Variants in DST observed in about 807,000 individuals in gnomAD.
The protein encoded by DST is dystonin.
A neutral mutation model predicts 875.2 loss-of-function variants in DST; 253 were observed. The observed-to-expected ratio is 0.29, with a 90% CI of 0.26 to 0.32. The LOEUF is 0.32. Ranked by LOEUF, DST falls within the 10% of genes least tolerant of loss-of-function variation. DST has a pLI of 1.00. For synonymous variants in DST, 3,124 were observed against 3,197.1 expected, an observed-to-expected ratio of 0.98 and a Z score of 0.77; for missense variants, 8,287 against 9,111.6, an observed-to-expected ratio of 0.91 and a Z score of 3.68.
chr6:56,715,305 T>C (rs960610788), intron 5 of DST, among the ~76,000 whole-genome samples: 2 of 152,090 alleles, frequency 1.3e-5, no homozygotes, highest in African/African-American at 4.8e-5. Flanking sequence ...ACAGTTGGAG[T>C]TAAGTAAATT....
At chr6:56,842,773 A>T (rs1018945969) in intron 4 of DST, among the ~76,000 whole-genome samples, 7 of 152,136 alleles carry the variant, frequency 4.6e-5, no homozygotes, top group Non-Finnish European at 1.0e-4. Context: ...AGTGCTTAAG[A>T]GCTTTTACAA....
chr6:56,533,856 T>TA (rs2096942769), intron 63 of DST, among the ~76,000 whole-genome samples: 2 of 152,148 alleles, frequency 1.3e-5, no homozygotes, highest in African/African-American at 4.8e-5. Context: ...GAGATAGTAT[T>TA]AAATGTAGAA....
chr6:56,571,584 T>C (rs2097782588), intron 53 of DST, among the ~76,000 whole-genome samples: 1 of 152,208 alleles, frequency 6.6e-6, no homozygotes, highest in Admixed American at 6.5e-5. Context: ...TGTACAGCTT[T>C]TTAGCTCAAC....
intron 2 of DST, among the ~76,000 whole-genome samples, chr6:56,935,780 C>G (rs1184634453): frequency 1.3e-5 from 2 of 152,064 alleles, no homozygotes; most frequent in Non-Finnish European, 2.9e-5. Context: ...CAAAAATTAG[C>G]TGGGCATGGT....
chr6:56,515,756 A>T (rs1379971887), intron 71 of DST, 88 bp from the exon 72 acceptor site: 3 of 982,518 alleles, frequency 3.1e-6, no homozygotes. Context: ...GTACACCTGG[A>T]CAGAGTGGGC....
At chr6:56,725,136 A>G (rs1362946969) in intron 5 of DST, among the ~76,000 whole-genome samples, 1 of 152,216 alleles carries the variant, frequency 6.6e-6, no homozygotes, top group Non-Finnish European at 1.5e-5. Context: ...AGTTGAGGAG[A>G]GACGTGAGTC....
chr6:56,697,984 C>T (rs2099273162), intron 9 of DST, among the ~76,000 whole-genome samples: 1 of 152,198 alleles, frequency 6.6e-6, no homozygotes, highest in Admixed American at 6.5e-5. Flanking sequence ...GGTTCAATAT[C>T]TTTGATTCCA....
chr6:56,573,937 T>A, intron 50 of DST, 50 bp from the exon 51 acceptor site: 1 of 1,376,228 alleles, frequency 7.3e-7, no homozygotes, highest in Non-Finnish European at 1.0e-6. Context: ...CTTTGCCCTA[T>A]CCCTTTTCAA....
chr6:56,901,432 C>T (rs909240853), intron 2 of DST, among the ~76,000 whole-genome samples: 3 of 152,242 alleles, frequency 2.0e-5, no homozygotes, highest in South Asian at 4.2e-4. Flanking sequence ...CCTGTCTCTA[C>T]TAAAAATCAA....
intron 63 of DST, among the ~76,000 whole-genome samples, chr6:56,533,443 A>G (rs529790866): frequency 6.6e-6 from 1 of 152,334 alleles, no homozygotes; most frequent in East Asian, 1.9e-4. Context: ...AAAAGCTAAA[A>G]GAGTATTTTG....
At chr6:56,778,971 A>G (rs2099685907) in intron 4 of DST, among the ~76,000 whole-genome samples, 1 of 152,176 alleles carries the variant, frequency 6.6e-6, no homozygotes, top group East Asian at 1.9e-4. Context: ...TGACTTCCAC[A>G]ATGGTTGAAT....
At chr6:56,888,777 A>T (rs1785870954) in intron 3 of DST, among the ~76,000 whole-genome samples, 1 of 152,212 alleles carries the variant, frequency 6.6e-6, no homozygotes, top group African/African-American at 2.4e-5. Context: ...CTGCAGCCTT[A>T]CAAAAACCTA....
intron 4 of DST, among the ~76,000 whole-genome samples, chr6:56,781,734 C>T (rs866830879): frequency 0.036 from 5,403 of 152,194 alleles, 131 homozygotes; most frequent in Middle Eastern, 0.058. Context: ...TGCCTAATTG[C>T]CCTGGCCAGA....
chr6:56,604,086 T>A lies in DST; in HGVS notation c.10542A>T (p.Lys3514Asn). The stretch of plus-strand genomic sequence containing the variant: ...CCATCATCTCAGATGTAGAACATGC[T>A]TTTTGATTAAAGTCTCCAACATGTT... ...KIEHVGDFNQKACSTSEMMEE... is the reference protein window; with the variant it reads ...KIEHVGDFNQNACSTSEMMEE... The change falls in exon 40 of 104, where the codon AAA becomes AAT. Residue 3514 changes from lysine (K) to asparagine (N), a missense_variant. Transcript: ENST00000680361. 6.3e-7 allele frequency: 1 copy of A among 1,580,234 alleles called. No homozygotes were observed. The highest frequency in any genetic ancestry group is 1.1e-5 in the South Asian group (1 of 87,278).
At chr6:56,574,009 T>C (rs866857653) in intron 50 of DST, 122 bp from the exon 51 acceptor site, 52 of 684,354 alleles carry the variant, frequency 7.6e-5, no homozygotes, top group South Asian at 1.8e-4. Context: ...AAAAGTTCAA[T>C]GATAAATTCC....
At chr6:56,742,152 T>C (rs2099549189) in intron 4 of DST, 7 of 547,732 alleles carry the variant, frequency 1.3e-5, no homozygotes, top group South Asian at 9.5e-5. Flanking sequence ...TCAGTACAGG[T>C]TTTCGAAAGA....
intron 15 of DST, among the ~76,000 whole-genome samples, chr6:56,643,960 C>T (rs923987003): frequency 4.6e-5 from 7 of 152,174 alleles, no homozygotes; most frequent in Non-Finnish European, 7.3e-5. Flanking sequence ...ATGTAGTAGG[C>T]ACTATTACAT....
At chr6:56,626,439 A>G (rs928430989) in intron 34 of DST, among the ~76,000 whole-genome samples, 1 of 152,198 alleles carries the variant, frequency 6.6e-6, no homozygotes, top group Non-Finnish European at 1.5e-5. Context: ...TGCCTACACT[A>G]TTCAGTACAG....
chr6:56,532,560 T>C (rs1562604136), intron 63 of DST, 50 bp from the exon 64 acceptor site: 2 of 1,471,248 alleles, frequency 1.4e-6, no homozygotes, highest in South Asian at 1.3e-5. Flanking sequence ...ATTGTATGAA[T>C]ATAAAGTACA....
Sources: allele counts gnomAD v4.1 joint callset (sites outside exome capture counted in the v4.1 genomes callset), GRCh38; gene constraint gnomAD v4.1.1; transcripts MANE v1.5; gene names NCBI Gene and HGNC (gene_info 2026-07-23, HGNC 2026-07-21).